ZNF547: variants seen among roughly 807,000 people sequenced by gnomAD.
The protein encoded by ZNF547 is zinc finger protein 547.
A neutral mutation model predicts 7.7 loss-of-function variants in ZNF547; 4 were observed. That is an observed-to-expected ratio of 0.52 (90% CI 0.26 to 1.20). ZNF547 has a LOEUF of 1.20. Among genes scored for constraint, ZNF547 ranks in the 50% most tolerant of loss-of-function variants. ZNF547 has a pLI of 0.14. For synonymous variants in ZNF547, 166 were observed against 166.2 expected (o/e 1.00, Z 0.01); for missense variants, 449 against 485.8 (o/e 0.92, Z 0.71).
intron 1 of ZNF547, among the ~76,000 whole-genome samples, chr19:57,367,426 G>GAAAAAAAA (rs750776299): frequency 1.5e-5 from 1 of 65,712 alleles, no homozygotes; most frequent in East Asian, 4.9e-4. Flanking sequence ...GTTTGTTCAA[G>GAAAAAAAA]AAAAAAAAAA....
At chr19:57,375,951 T>G (rs1420188284) in intron 3 of ZNF547, among the ~76,000 whole-genome samples, 3 of 151,776 alleles carry the variant, frequency 2.0e-5, no homozygotes, top group Admixed American at 6.6e-5. Flanking sequence ...TCACCTGAGG[T>G]CAGGAGTTTG....
chr19:57,372,308 G>T lies in ZNF547; in HGVS notation c.151+400G>T, dbSNP rs185616667. Among the ~76,000 whole-genome samples, 347 of 152,316 alleles carry T rather than the reference G, an allele frequency of 2.3e-3. 1 individual carries two copies. Among genetic ancestry groups the T allele is most frequent in the African/African-American group, 2.3e-3 (94 of 41,570 alleles). On this transcript the variant is annotated intron_variant, in intron 3 of 3. Coordinates refer to ENST00000282282, the MANE Select transcript of ZNF547 (RefSeq NM_173631.4). ...AATTTGGTGAACCACTGGCTTGATT[G>T]TGTAGGATGTAGAAATCTTCTGTGA...
At chr19:57,372,109 G>C (rs1050442368) in intron 3 of ZNF547, among the ~76,000 whole-genome samples, 2 of 151,496 alleles carry the variant, frequency 1.3e-5, no homozygotes, top group African/African-American at 4.8e-5. Flanking sequence ...CTGCTGTTCT[G>C]AGGCTTGCAA....
intron 2 of ZNF547, among the ~76,000 whole-genome samples, chr19:57,369,053 A>C (rs2088488539): frequency 6.6e-6 from 1 of 152,112 alleles, no homozygotes; most frequent in Non-Finnish European, 1.5e-5. Context: ...GTAGATGGGG[A>C]AGATTTGAAG....
intron 1 of ZNF547, among the ~76,000 whole-genome samples, chr19:57,367,227 A>G (rs949962226): frequency 6.6e-5 from 10 of 152,204 alleles, no homozygotes; most frequent in African/African-American, 2.4e-4. Context: ...TGTTCCTATG[A>G]TAAGTAGATC....
chr19:57,370,575 G>T (rs2088498468), intron 2 of ZNF547, among the ~76,000 whole-genome samples: 1 of 152,198 alleles, frequency 6.6e-6, no homozygotes, highest in Admixed American at 6.5e-5. Context: ...TGTCCAAAGA[G>T]TGATGTGCAG....
chr19:57,363,574 AG>A lies in ZNF547; in HGVS notation c.-140del, dbSNP rs2088436477. 6.5e-6 allele frequency: 1 copy of A among 152,802 alleles called. No individual in the cohort carries two copies. The highest frequency in any genetic ancestry group is 2.4e-5 in the African/African-American group (1 of 41,470). 9.5% of individuals were successfully genotyped at this position (152,802 alleles called of 1,614,324 possible). A position where few individuals can be genotyped will look rare whatever the true frequency, so the allele number is the denominator to read the frequency against. The stretch of plus-strand genomic sequence containing the variant: ...TTGTACGCAGAGGCGGTAGTGACAC[AG>A]GCACAACTGACAGTGGCAGAAGCTC... On this transcript the variant is annotated 5_prime_UTR_variant, in exon 1 of 4. Transcript: ENST00000282282.
intron 2 of ZNF547, 58 bp downstream of exon 2, chr19:57,368,637 C>A (rs2088485812): frequency 9.6e-6 from 15 of 1,569,492 alleles, no homozygotes; most frequent in East Asian, 2.2e-5. Context: ...GGTTTTGGCA[C>A]CTCCATGTAA....
At chr19:57,372,750 T>C (rs1227974836) in intron 3 of ZNF547, among the ~76,000 whole-genome samples, 1 of 152,238 alleles carries the variant, frequency 6.6e-6, no homozygotes. Context: ...TGCCATCCAC[T>C]GCATGACCTG....
intron 2 of ZNF547, among the ~76,000 whole-genome samples, chr19:57,369,615 A>G (rs2088491654): frequency 1.3e-5 from 2 of 151,968 alleles, no homozygotes; most frequent in Non-Finnish European, 2.9e-5. Context: ...CTTACTGGGT[A>G]GCTGTGCAGT....
chr19:57,374,146 C>T (rs1181695213), intron 3 of ZNF547, among the ~76,000 whole-genome samples: 2 of 152,240 alleles, frequency 1.3e-5, no homozygotes, highest in Admixed American at 1.3e-4. Flanking sequence ...TGGAGGTTCC[C>T]TCCCAAATAT....
At chr19:57,371,416 GAGTTT>G (rs1400229854) in intron 2 of ZNF547, among the ~76,000 whole-genome samples, 4 of 152,234 alleles carry the variant, frequency 2.6e-5, no homozygotes, top group African/African-American at 2.4e-5. Flanking sequence ...AAATTGGAGT[GAGTTT>G]AGTTTAGTCC....
At chr19:57,364,463 C>CT in intron 1 of ZNF547, 1 of 203,562 alleles carries the variant, frequency 4.9e-6, no homozygotes, top group South Asian at 9.1e-5. Flanking sequence ...TAGAGGGTGG[C>CT]CGGGCGTGGT....
At position 57,363,689 on chromosome 19, in the gene ZNF547, GC is replaced by G. The variant is rs2088438263; in HGVS notation, c.-25del. The G allele has an allele frequency of 6.6e-6, 1 of 151,916 alleles. No individual in the cohort carries two copies. Among genetic ancestry groups the G allele is most frequent in the African/African-American group, 2.4e-5 (1 of 40,850 alleles). The allele number at this position is 151,916 out of a possible 1,614,324, so 9.4% of individuals were successfully genotyped here. The stretch of plus-strand genomic sequence containing the variant: ...CCCTGGCTGGACTTGCGGAGTCCCC[GC>G]CGAAGAACCCGAGGTGGGTGCCCCG... On this transcript the variant is annotated 5_prime_UTR_variant, in exon 1 of 4. Coordinates refer to ENST00000282282, the MANE Select transcript of ZNF547 (RefSeq NM_173631.4).
At chr19:57,365,918 G>T (rs1238051468) in intron 1 of ZNF547, among the ~76,000 whole-genome samples, 11 of 150,638 alleles carry the variant, frequency 7.3e-5, no homozygotes, top group Admixed American at 6.6e-5. Context: ...GGGCTGGAGT[G>T]CAGTGGCACG....
At position 57,378,216 on chromosome 19, in the gene ZNF547, G is replaced by C. The variant is rs779494972; in HGVS notation, c.*31G>C. ...TTATGAATGCAGTGGATATGGGAAA[G>C]CCTTCAGTCACCAACATATTGTGGC... On this transcript the variant is annotated 3_prime_UTR_variant, in exon 4 of 4. Coordinates refer to ENST00000282282, the MANE Select transcript of ZNF547 (RefSeq NM_173631.4). The C allele has an allele frequency of 3.0e-5, 47 of 1,572,392 alleles. 1 individual carries two copies. In the South Asian group the frequency reaches 5.4e-4, roughly 18 times the overall value.
chr19:57,364,798 T>C, intron 1 of ZNF547: 1 of 1,540,376 alleles, frequency 6.5e-7, no homozygotes, highest in East Asian at 2.3e-5. Flanking sequence ...GTTTCCGTTG[T>C]CGGCCTCCCG....
chr19:57,376,909 G>T (rs932226502), intron 3 of ZNF547, among the ~76,000 whole-genome samples: 5 of 152,138 alleles, frequency 3.3e-5, no homozygotes, highest in African/African-American at 1.2e-4. Context: ...GGCTCTATCA[G>T]CTTTTAATCA....
At chr19:57,365,396 T>C in intron 1 of ZNF547, 1 of 647,612 alleles carries the variant, frequency 1.5e-6, no homozygotes, top group Non-Finnish European at 2.7e-6. Flanking sequence ...ATTTCTTTTA[T>C]ATTTAAAAAT....
Sources: allele counts gnomAD v4.1 joint callset (sites outside exome capture counted in the v4.1 genomes callset), GRCh38; gene constraint gnomAD v4.1.1; transcripts MANE v1.5; gene names NCBI Gene and HGNC (gene_info 2026-07-23, HGNC 2026-07-21).